The following EPHA6 variants were observed in gnomAD, a reference collection of about 807,000 sequenced individuals.
EPHA6 encodes EPH receptor A6.
A neutral mutation model predicts 112.0 loss-of-function variants in EPHA6; 50 were observed. The ratio of observed to expected loss-of-function variants is 0.45; its 90% CI spans 0.36 to 0.56. EPHA6 has a LOEUF of 0.56. Ranked by LOEUF, EPHA6 falls within the 20% of genes least tolerant of loss-of-function variation. The pLI is 0.00. For synonymous variants in EPHA6, 529 were observed against 490.7 expected, an observed-to-expected ratio of 1.08 and a Z score of -1.03; for missense variants, 1,280 against 1,417.4, an observed-to-expected ratio of 0.90 and a Z score of 1.56.
intron 8 of EPHA6, among the ~76,000 whole-genome samples, chr3:97,475,684 T>C (rs4857259): frequency 0.19 from 28,802 of 152,040 alleles, 4,112 homozygotes; most frequent in African/African-American, 0.38. Flanking sequence ...CTATGAATGA[T>C]GAATTTATAG....
chr3:97,230,323 C>T (rs1408538549), intron 4 of EPHA6, among the ~76,000 whole-genome samples: 1 of 152,036 alleles, frequency 6.6e-6, no homozygotes, highest in East Asian at 1.9e-4. Flanking sequence ...TAAATATGGG[C>T]TACAACAAGG....
rs150899947 is a variant in EPHA6, at chr3:96,838,717, C to A, written c.385+23709C>A. Among the ~76,000 whole-genome samples, 434 of 152,114 alleles carry A rather than the reference C, an allele frequency of 2.9e-3. 4 individuals carry two copies. The highest frequency in any genetic ancestry group is 9.6e-3 in the African/African-American group (397 of 41,512). On this transcript the variant is annotated intron_variant, in intron 1 of 17. Transcript: ENST00000389672. The stretch of plus-strand genomic sequence containing the variant: ...AATTTAACAAATTTGCACTAAAATT[C>A]TTAGTGGTTCATTTATACAGTGATC...
At chr3:96,924,885 G>A (rs956166992) in intron 2 of EPHA6, among the ~76,000 whole-genome samples, 1 of 152,092 alleles carries the variant, frequency 6.6e-6, no homozygotes, top group African/African-American at 2.4e-5. Flanking sequence ...TGCATCTATT[G>A]AGATAATCGT....
At chr3:97,587,145 AG>A (rs1232419668) in intron 11 of EPHA6, among the ~76,000 whole-genome samples, 3 of 152,064 alleles carry the variant, frequency 2.0e-5, no homozygotes, top group African/African-American at 7.2e-5. Flanking sequence ...CGGGAGGCTG[AG>A]GCAGGAGAAT....
intron 14 of EPHA6, among the ~76,000 whole-genome samples, chr3:97,699,487 G>C (rs1240882672): frequency 6.6e-6 from 1 of 152,162 alleles, no homozygotes; most frequent in Non-Finnish European, 1.5e-5. Flanking sequence ...GAAGTATTGA[G>C]AGGTAAAGAA....
At position 97,698,204 on chromosome 3, in the gene EPHA6, G is replaced by A. The variant is rs145658189; in HGVS notation, c.2785-22057G>A. On this transcript the variant is annotated intron_variant, in intron 14 of 17. Coordinates refer to ENST00000389672, the MANE Select transcript of EPHA6 (RefSeq NM_001080448.3). ...TTTAGTAGTGATGGGGTTTCTCCAT[G>A]TTGGTCAGGCTGGTCTGGAACTCCT... 8.3e-3 allele frequency among the ~76,000 whole-genome samples: 1,271 copies of A among 152,278 alleles called. 12 individuals are homozygous for A. Among genetic ancestry groups the A allele is most frequent in the African/African-American group, 0.03 (1,234 of 41,544 alleles).
At chr3:96,864,911 A>G (rs892115850) in intron 1 of EPHA6, among the ~76,000 whole-genome samples, 4 of 152,074 alleles carry the variant, frequency 2.6e-5, no homozygotes, top group Non-Finnish European at 5.9e-5. Context: ...ATATTAAAAG[A>G]GTATTTTGGA....
At chr3:97,603,483 G>T (rs767353037) in intron 12 of EPHA6, among the ~76,000 whole-genome samples, 5 of 151,776 alleles carry the variant, frequency 3.3e-5, no homozygotes, top group Non-Finnish European at 7.4e-5. Context: ...AAGGGTATTT[G>T]GCTTACCACT....
At chr3:97,448,796 T>A in intron 7 of EPHA6, 66 bp downstream of exon 7, 1 of 1,544,062 alleles carries the variant, frequency 6.5e-7, no homozygotes, top group Non-Finnish European at 8.9e-7. Flanking sequence ...GACCTGATAT[T>A]TTAAAACCAG....
chr3:97,338,877 C>T (rs2083180391), intron 5 of EPHA6, among the ~76,000 whole-genome samples: 1 of 152,160 alleles, frequency 6.6e-6, no homozygotes, highest in South Asian at 2.1e-4. Context: ...CCACAGAAAA[C>T]AGGACTTCAG....
rs973472830 is a variant in EPHA6, at chr3:97,579,370, A to G, written c.2387-13242A>G. Among the ~76,000 whole-genome samples, 6 of 152,372 alleles carry G rather than the reference A, an allele frequency of 3.9e-5. No homozygotes were observed. The East Asian group carries it at 9.6e-4, about 24-fold the overall frequency. On this transcript the variant is annotated intron_variant, in intron 11 of 17. Transcript: ENST00000389672. ...TTAAGACACATTCGATCTGAAATCTATATGACTTTGAGTATAAATGGGCAC... is the reference window on the plus strand; with the variant it reads ...TTAAGACACATTCGATCTGAAATCTGTATGACTTTGAGTATAAATGGGCAC...
At chr3:97,636,425 G>T (rs772538659) in intron 13 of EPHA6, among the ~76,000 whole-genome samples, 1 of 152,012 alleles carries the variant, frequency 6.6e-6, no homozygotes, top group Non-Finnish European at 1.5e-5. Flanking sequence ...TAACATCAAA[G>T]ATTTTCTTTG....
chr3:96,960,599 A>T (rs1390612284), intron 2 of EPHA6, among the ~76,000 whole-genome samples: 8 of 152,212 alleles, frequency 5.3e-5, no homozygotes, highest in Non-Finnish European at 1.2e-4. Flanking sequence ...TGTTCTCATT[A>T]GCACATTTAT....
intron 3 of EPHA6, among the ~76,000 whole-genome samples, chr3:97,162,279 T>C (rs754589217): frequency 2.6e-5 from 4 of 152,160 alleles, no homozygotes; most frequent in East Asian, 1.9e-4. Context: ...TTTTCCTAGG[T>C]AGAGACAATT....
intron 15 of EPHA6, among the ~76,000 whole-genome samples, chr3:97,725,152 C>T (rs1290334925): frequency 1.3e-5 from 2 of 152,084 alleles, no homozygotes; most frequent in South Asian, 4.1e-4. Context: ...GTGCATTGAC[C>T]TCATTCTCTC....
chr3:97,662,510 G>A (rs1054627275), intron 14 of EPHA6, among the ~76,000 whole-genome samples: 9 of 152,108 alleles, frequency 5.9e-5, no homozygotes, highest in Admixed American at 5.2e-4. Context: ...GCCACCCTCT[G>A]AGAGAATGCA....
chr3:97,746,631 C>T (rs992174154), intron 16 of EPHA6, among the ~76,000 whole-genome samples: 2 of 151,624 alleles, frequency 1.3e-5, no homozygotes, highest in African/African-American at 4.8e-5. Flanking sequence ...CACATGTATA[C>T]CCTAGCCTTT....
intron 3 of EPHA6, among the ~76,000 whole-genome samples, chr3:97,120,370 T>A (rs1393418374): frequency 6.6e-6 from 1 of 151,904 alleles, no homozygotes; most frequent in African/African-American, 2.4e-5. Context: ...GTGCAGTTTT[T>A]TTTTAATTTA....
intron 3 of EPHA6, among the ~76,000 whole-genome samples, chr3:96,991,128 T>C (rs1008830341): frequency 5.3e-5 from 8 of 152,098 alleles, no homozygotes; most frequent in African/African-American, 1.9e-4. Context: ...GTGCTGTGAT[T>C]GCAGGGGTGA....
Sources: allele counts gnomAD v4.1 joint callset (sites outside exome capture counted in the v4.1 genomes callset), GRCh38; gene constraint gnomAD v4.1.1; transcripts MANE v1.5; gene names NCBI Gene and HGNC (gene_info 2026-07-23, HGNC 2026-07-21).